Variants in BMP1 observed in about 807,000 individuals in gnomAD.
The protein encoded by BMP1 is bone morphogenetic protein 1, also known as mammalian tolloid protein.
In BMP1, 63 loss-of-function variants were observed where a neutral mutation model predicts 116.8. The ratio of observed to expected loss-of-function variants is 0.54; its 90% CI spans 0.44 to 0.67. The LOEUF (loss-of-function observed/expected upper bound fraction) is 0.67. Ranked by LOEUF, BMP1 falls within the 30% of genes least tolerant of loss-of-function variation. BMP1 has a pLI of 0.00. For missense variants in BMP1, 1,183 were observed against 1,358.9 expected (o/e 0.87, Z 2.04); for synonymous variants, 536 against 533.4 (o/e 1.00, Z -0.07).
In BMP1 at chr8:22,207,792, C is replaced by T. The variant is rs146738631; in HGVS notation, c.2575+276C>T. On this transcript the variant is annotated intron_variant, in intron 18 of 19. Transcript: ENST00000306385. ...GAAAGCCCCCAGAGGTCCCCCTGAG[C>T]GTACGCGGGCCACCGCAGCAGCCCA... Among the ~76,000 whole-genome samples the T allele has an allele frequency of 2.3e-3, 349 of 152,342 alleles. 1 individual carries two copies. The highest frequency in any genetic ancestry group is 7.8e-3 in the African/African-American group (324 of 41,572).
Position 22,206,440 on chromosome 8 carries a change from T to G in BMP1, c.2234-414T>G, listed in dbSNP as rs139441011. On this transcript the variant is annotated intron_variant, in intron 16 of 19. Transcript: ENST00000306385. ...TCACTTAAACCTGGGAGGTGGAGGT[T>G]GCAGTGAGCCGAGATCACACCACTG... 5.0e-3 allele frequency among the ~76,000 whole-genome samples: 737 copies of G among 147,880 alleles called. 8 individuals are homozygous for G. Among genetic ancestry groups the G allele is most frequent in the African/African-American group, 0.018 (707 of 39,888 alleles).
intron 15 of BMP1, chr8:22,201,582 C>A: frequency 7.2e-7 from 1 of 1,394,306 alleles, no homozygotes; most frequent in Non-Finnish European, 9.4e-7. Context: ...TCCTCCTCTC[C>A]CCACAGCTGG....
chr8:22,172,491 G>A (rs1828308265), intron 1 of BMP1, among the ~76,000 whole-genome samples: 1 of 151,550 alleles, frequency 6.6e-6, no homozygotes, highest in African/African-American at 2.4e-5. Flanking sequence ...CTTGGAATAG[G>A]AATTACTTGA....
At chr8:22,201,063 C>T in intron 15 of BMP1, 1 of 1,333,980 alleles carries the variant, frequency 7.5e-7, no homozygotes, top group Non-Finnish European at 1.0e-6. Flanking sequence ...CTCCCTGGTC[C>T]CTGCCCTCCA....
chr8:22,165,874 T>TGTGCGTGC (rs1283969308), intron 1 of BMP1, among the ~76,000 whole-genome samples: 30 of 139,852 alleles, frequency 2.1e-4, no homozygotes, highest in African/African-American at 3.2e-4. Flanking sequence ...GCCAAACTCC[T>TGTGCGTGC]GTGCGTGCGT....
At position 22,179,565 on chromosome 8, in the gene BMP1, G is replaced by A. The variant is rs540259699; in HGVS notation, c.837-140G>A. 117 of 1,444,494 alleles carry A rather than the reference G, an allele frequency of 8.1e-5. No homozygotes were observed. Among genetic ancestry groups the A allele is most frequent in the Non-Finnish European group, 1.0e-4 (110 of 1,069,230 alleles). The allele number at this position is 1,444,494 out of a possible 1,614,324, so 89.5% of individuals were successfully genotyped here. On this transcript the variant is annotated intron_variant, in intron 6 of 19. Coordinates refer to ENST00000306385, the MANE Select transcript of BMP1 (RefSeq NM_006129.5). The surrounding 1 kb of genome is among the most constrained non-coding windows in gnomAD (Gnocchi z 4.6). ...GGGTAGCATAATGACAGGGTGAGACGACTCCACCCGGCCCTGACCCTGCTG... is the reference window on the plus strand; with the variant it reads ...GGGTAGCATAATGACAGGGTGAGACAACTCCACCCGGCCCTGACCCTGCTG...
intron 1 of BMP1, among the ~76,000 whole-genome samples, chr8:22,172,054 G>C (rs1289582252): frequency 6.6e-6 from 1 of 152,224 alleles, no homozygotes; most frequent in Non-Finnish European, 1.5e-5. Flanking sequence ...TTCTGTATGT[G>C]ATGAAGTCAG....
At chr8:22,186,919 G>A (rs1828788049) in intron 8 of BMP1, among the ~76,000 whole-genome samples, 1 of 152,250 alleles carries the variant, frequency 6.6e-6, no homozygotes. Context: ...AGTCCCTGGA[G>A]TAGTACCTAT....
At chr8:22,193,016 C>T (rs918931900) in intron 9 of BMP1, among the ~76,000 whole-genome samples, 3 of 152,232 alleles carry the variant, frequency 2.0e-5, no homozygotes, top group Admixed American at 1.3e-4. Flanking sequence ...CACTTCCTCT[C>T]GTAGACGTGT....
chr8:22,190,982 C>T (rs1312834085), intron 8 of BMP1, among the ~76,000 whole-genome samples: 2 of 152,218 alleles, frequency 1.3e-5, no homozygotes, highest in African/African-American at 2.4e-5. Context: ...TTTGGGCCCA[C>T]TCTGGGACCT....
Position 22,211,796 on chromosome 8 carries a change from TG to T in BMP1, c.*71del. 1 of 1,608,550 alleles carries T rather than the reference TG, an allele frequency of 6.2e-7. No individual in the cohort carries two copies. The highest frequency in any genetic ancestry group is 8.5e-7 in the Non-Finnish European group (1 of 1,177,716). On this transcript the variant is annotated 3_prime_UTR_variant, in exon 20 of 20. Transcript: ENST00000306385. ...GGTCGCCTAGACTGGATAGTGGGGG[TG>T]GGCGGAAGGCAACGCACCATCCCTC...
At chr8:22,197,091 G>A in intron 14 of BMP1, 149 bp from the exon 15 acceptor site, 2 of 1,109,772 alleles carry the variant, frequency 1.8e-6, no homozygotes, top group East Asian at 2.6e-5. Flanking sequence ...GAAGGCTTAG[G>A]GCTGGCTTGG....
intron 19 of BMP1, among the ~76,000 whole-genome samples, chr8:22,210,464 T>A (rs969267041): frequency 8.9e-4 from 81 of 90,548 alleles, no homozygotes; most frequent in African/African-American, 5.3e-3. Flanking sequence ...TCTCTCTCTC[T>A]CTCTCACACA....
intron 16 of BMP1, among the ~76,000 whole-genome samples, chr8:22,205,601 C>A (rs1009525839): frequency 6.6e-6 from 1 of 151,642 alleles, no homozygotes; most frequent in African/African-American, 2.4e-5. Flanking sequence ...ATAGTGAGAC[C>A]CCATCTCTAC....
At chr8:22,187,163 A>G (rs1828796216) in intron 8 of BMP1, among the ~76,000 whole-genome samples, 1 of 148,784 alleles carries the variant, frequency 6.7e-6, no homozygotes, top group Non-Finnish European at 1.5e-5. Context: ...GCTAATTTTT[A>G]TATTTTTAAT....
chr8:22,179,559 T>G lies in BMP1; in HGVS notation c.837-146T>G, dbSNP rs1586443518. On this transcript the variant is annotated intron_variant, in intron 6 of 19. Transcript: ENST00000306385. This position sits in a 1 kb window ranked among gnomAD's most constrained non-coding sequence, Gnocchi z 4.6. Reference sequence around the variant, plus strand: ...GTCAGTGGGTAGCATAATGACAGGGTGAGACGACTCCACCCGGCCCTGACC... The same window carrying G: ...GTCAGTGGGTAGCATAATGACAGGGGGAGACGACTCCACCCGGCCCTGACC... 7.2e-7 allele frequency: 1 copy of G among 1,390,850 alleles called. No homozygotes were observed. 86.2% of individuals were successfully genotyped at this position (1,390,850 alleles called of 1,614,324 possible).
chr8:22,199,172 G>A (rs1347608500), intron 15 of BMP1: 1 of 1,367,544 alleles, frequency 7.3e-7, no homozygotes, highest in Admixed American at 1.9e-5. Context: ...CACACACATT[G>A]CCCCATCGCA....
rs760647723 is a variant in BMP1 at position 22,196,533 on chromosome 8, C to T, written c.1766-147C>T. 926 of 1,243,436 alleles carry T rather than the reference C, an allele frequency of 7.4e-4. 1 individual carries two copies. Among genetic ancestry groups the T allele is most frequent in the Admixed American group, 9.3e-4 (49 of 52,760 alleles). 77.0% of individuals were successfully genotyped at this position (1,243,436 alleles called of 1,614,324 possible). A position where few individuals can be genotyped will look rare whatever the true frequency, so the allele number is the denominator to read the frequency against. On this transcript the variant is annotated intron_variant, in intron 13 of 19. Coordinates refer to ENST00000306385, the MANE Select transcript of BMP1 (RefSeq NM_006129.5). ...CCAGGCCACCCTGCCTCCTCCCGTC[C>T]GCCCCAGAGGGACCAGACACAGGTC...
intron 8 of BMP1, among the ~76,000 whole-genome samples, chr8:22,183,236 C>T (rs148806477): frequency 5.8e-4 from 88 of 152,206 alleles, no homozygotes; most frequent in East Asian, 1.4e-3. Context: ...GCTAACATAG[C>T]GGAACTCCAT....
Sources: gnomAD v4.1 joint callset for allele counts (sites outside exome capture counted in the v4.1 genomes callset) on GRCh38, gnomAD v4.1.1 for gene constraint, Gnocchi (gnomAD v3.1) non-coding constraint, MANE v1.5 for transcripts, NCBI Gene and HGNC (gene_info 2026-07-23, HGNC 2026-07-21) for gene names.